The following CDH12 variants were observed in gnomAD, a reference collection of about 807,000 sequenced individuals.
CDH12 encodes the protein cadherin-12.
CDH12 carries 41 observed loss-of-function variants against 74.1 expected under a neutral mutation model. That is an observed-to-expected ratio of 0.55 (90% CI 0.43 to 0.72). CDH12 has a LOEUF of 0.72. Ranked by LOEUF, CDH12 falls within the 30% of genes least tolerant of loss-of-function variation. The pLI, the probability that CDH12 is intolerant of heterozygous loss-of-function variation, is 0.00. For synonymous variants in CDH12, 399 were observed against 355.0 expected (o/e 1.12, Z -1.39); for missense variants, 945 against 977.2 (o/e 0.97, Z 0.44).
intron 4 of CDH12, among the ~76,000 whole-genome samples, chr5:22,180,513 TTTTA>T (rs1749582433): frequency 6.6e-6 from 1 of 151,946 alleles, no homozygotes; most frequent in East Asian, 1.9e-4. Flanking sequence ...TTTTTTTATT[TTTTA>T]TTTTTTATTT....
intron 1 of CDH12, among the ~76,000 whole-genome samples, chr5:22,678,511 C>T (rs1194515036): frequency 2.0e-5 from 3 of 152,020 alleles, no homozygotes. Context: ...GAGAGCATTG[C>T]TTCTATTCTC....
chr5:21,991,477 A>G (rs1414094573), intron 5 of CDH12, among the ~76,000 whole-genome samples: 1 of 81,378 alleles, frequency 1.2e-5, no homozygotes, highest in Non-Finnish European at 2.6e-5. Context: ...CAAAATAAAT[A>G]CAAGGCCAAA....
chr5:21,836,287 C>T (rs941110730), intron 8 of CDH12, among the ~76,000 whole-genome samples: 2 of 151,394 alleles, frequency 1.3e-5, no homozygotes, highest in African/African-American at 2.4e-5. Context: ...TAATAGAAAC[C>T]GTCAATATAA....
At chr5:22,424,913 A>G (rs1743829367) in intron 2 of CDH12, among the ~76,000 whole-genome samples, 1 of 151,928 alleles carries the variant, frequency 6.6e-6, no homozygotes, top group Non-Finnish European at 1.5e-5. Context: ...CATAAAAATG[A>G]ACTGTTTAAA....
At chr5:22,717,977 G>A (rs1162311468) in intron 1 of CDH12, among the ~76,000 whole-genome samples, 1 of 151,856 alleles carries the variant, frequency 6.6e-6, no homozygotes, top group Non-Finnish European at 1.5e-5. Context: ...TCTGTCTTTT[G>A]GCCTGTGTGT....
intron 6 of CDH12, chr5:21,889,872 G>A (rs1752818043): frequency 1.0e-6 from 1 of 984,892 alleles, no homozygotes; most frequent in African/African-American, 1.7e-5. Flanking sequence ...GGGCAGAGCT[G>A]CTTTTCTTAG....
intron 1 of CDH12, among the ~76,000 whole-genome samples, chr5:22,561,789 T>C (rs1739061441): frequency 6.6e-6 from 1 of 152,206 alleles, no homozygotes; most frequent in Admixed American, 6.5e-5. Context: ...GTCTGTCAAG[T>C]ACTTCATAAG....
intron 4 of CDH12, among the ~76,000 whole-genome samples, chr5:22,155,073 C>T (rs1747938289): frequency 6.6e-6 from 1 of 152,230 alleles, no homozygotes; most frequent in African/African-American, 2.4e-5. Context: ...AGGCCCCTTC[C>T]GTTTCTGTAA....
At chr5:22,471,904 G>C (rs943939753) in intron 2 of CDH12, among the ~76,000 whole-genome samples, 1 of 152,158 alleles carries the variant, frequency 6.6e-6, no homozygotes, top group Non-Finnish European at 1.5e-5. Flanking sequence ...TGCTAAGGAA[G>C]ACTTTATTCA....
intron 2 of CDH12, among the ~76,000 whole-genome samples, chr5:22,444,070 A>T (rs1744727750): frequency 1.3e-5 from 2 of 152,126 alleles, no homozygotes; most frequent in Admixed American, 1.3e-4. Context: ...GGCTAAAATA[A>T]CAAATGATAA....
chr5:22,275,521 TA>T (rs1377413705), intron 3 of CDH12, among the ~76,000 whole-genome samples: 1 of 152,162 alleles, frequency 6.6e-6, no homozygotes, highest in East Asian at 1.9e-4. Context: ...GAGGTATATT[TA>T]AAATTAGTTT....
chr5:21,999,346 A>G (rs371947115), intron 5 of CDH12, among the ~76,000 whole-genome samples: 4 of 152,298 alleles, frequency 2.6e-5, no homozygotes. Context: ...CATTGTATCT[A>G]ATATTGTCTG....
At chr5:22,257,965 G>T (rs1172968196) in intron 3 of CDH12, among the ~76,000 whole-genome samples, 1 of 151,952 alleles carries the variant, frequency 6.6e-6, no homozygotes, top group Non-Finnish European at 1.5e-5. Context: ...ACTTTATAAA[G>T]TAAAAATGTT....
At chr5:22,626,626 A>G (rs1162722082) in intron 1 of CDH12, among the ~76,000 whole-genome samples, 2 of 152,202 alleles carry the variant, frequency 1.3e-5, no homozygotes, top group Non-Finnish European at 2.9e-5. Flanking sequence ...GAGTAAAGGA[A>G]TAACAGTCTA....
intron 1 of CDH12, among the ~76,000 whole-genome samples, chr5:22,659,725 A>G (rs976884587): frequency 1.7e-4 from 26 of 152,208 alleles, no homozygotes; most frequent in African/African-American, 5.5e-4. Flanking sequence ...AGGTACACAC[A>G]CATCTGATCC....
At position 22,401,059 on chromosome 5, in the gene CDH12, A is replaced by T. The variant is rs560928938; in HGVS notation, c.-333+4198T>A. The stretch of plus-strand genomic sequence containing the variant: ...TTGTATTTTGTAAAGCCATTATTAT[A>T]TCTGCATTCTTCGTTATTTTAGTCA... On this transcript the variant is annotated intron_variant, in intron 3 of 14. Coordinates refer to ENST00000382254, the MANE Select transcript of CDH12 (RefSeq NM_004061.5). Among the ~76,000 whole-genome samples, 8 of 152,306 alleles carry T rather than the reference A, an allele frequency of 5.3e-5. No individual in the cohort carries two copies. The South Asian group carries it at 1.7e-3, about 32-fold the overall frequency.
At chr5:21,933,477 G>A (rs576743859) in intron 6 of CDH12, among the ~76,000 whole-genome samples, 1 of 152,236 alleles carries the variant, frequency 6.6e-6, no homozygotes, top group Non-Finnish European at 1.5e-5. Context: ...AATAATTAAG[G>A]AAATATTAAC....
intron 3 of CDH12, among the ~76,000 whole-genome samples, chr5:22,324,245 G>C (rs182766515): frequency 6.6e-6 from 1 of 152,166 alleles, no homozygotes; most frequent in Admixed American, 6.5e-5. Context: ...AGTTAGGAAT[G>C]ATTTCAGTTA....
rs1230237095 is a variant in CDH12 at position 21,755,811 on chromosome 5, A to T, written c.1665T>A (p.Asn555Lys). Residue 555 changes from asparagine (N) to lysine (K), a missense_variant, in exon 14 of 15, where the codon AAT becomes AAA. This residue lies in a region of CDH12 where 791 missense variants were observed against 792.8 expected (regional missense o/e 1.00). Coordinates refer to ENST00000382254, the MANE Select transcript of CDH12 (RefSeq NM_004061.5). The part of the protein sequence containing the change: ...NNTAGIETRR[N>K]GYSRRQQELY... The stretch of plus-strand genomic sequence containing the variant: ...ACTCTTGCTGCCTGCGGCTGTATCC[A>T]TTTCTTCGGGTTTCAATCCCCGCTG... 6.2e-7 allele frequency: 1 copy of T among 1,613,958 alleles called. No homozygotes were observed. The highest frequency in any genetic ancestry group is 1.1e-5 in the South Asian group (1 of 91,078).
Sources: gnomAD v4.1 joint callset for allele counts (sites outside exome capture counted in the v4.1 genomes callset) on GRCh38, gnomAD v4.1.1 for gene constraint, gnomAD v4.1.1 regional missense constraint, MANE v1.5 for transcripts, NCBI Gene and HGNC (gene_info 2026-07-23, HGNC 2026-07-21) for gene names.